The following ITFG1 variants were observed in gnomAD, a reference collection of about 807,000 sequenced individuals.
ITFG1 encodes the protein integrin alpha FG-GAP repeat containing 1, also known as T-cell immunomodulatory protein.
A neutral mutation model predicts 81.8 loss-of-function variants in ITFG1; 34 were observed. That is an observed-to-expected ratio of 0.42 (90% CI 0.32 to 0.55). The LOEUF is 0.55. ITFG1 is among the 20% of genes least tolerant of loss of function. The pLI is 0.17. For missense variants in ITFG1, 672 were observed against 755.4 expected (o/e 0.89, Z 1.29); for synonymous variants, 285 against 270.6 (o/e 1.05, Z -0.52).
At chr16:47,236,367 C>T (rs1005620019) in intron 13 of ITFG1, among the ~76,000 whole-genome samples, 6 of 149,738 alleles carry the variant, frequency 4.0e-5, no homozygotes, top group African/African-American at 9.9e-5. Flanking sequence ...CCCAGCTACT[C>T]GGGAGGCTGA....
intron 14 of ITFG1, among the ~76,000 whole-genome samples, chr16:47,216,686 C>T (rs945303035): frequency 2.6e-5 from 4 of 151,284 alleles, no homozygotes; most frequent in African/African-American, 9.7e-5. Flanking sequence ...TTTTTTGAGA[C>T]AGTCTTACTC....
chr16:47,459,836 C>A (rs766876754), intron 1 of ITFG1, among the ~76,000 whole-genome samples: 2 of 152,158 alleles, frequency 1.3e-5, no homozygotes, highest in Non-Finnish European at 2.9e-5. Context: ...CAGTACACTG[C>A]AAAATGAGGA....
chr16:47,192,837 G>A (rs1379821656), intron 14 of ITFG1, among the ~76,000 whole-genome samples: 2 of 152,150 alleles, frequency 1.3e-5, no homozygotes, highest in East Asian at 1.9e-4. Context: ...CTCAGCTTTT[G>A]ACCCTGAGAA....
chr16:47,164,955 T>G (rs1964870637), intron 14 of ITFG1, among the ~76,000 whole-genome samples: 1 of 152,238 alleles, frequency 6.6e-6, no homozygotes, highest in Non-Finnish European at 1.5e-5. Context: ...GGATCAGTAG[T>G]TTTCCTTAGA....
chr16:47,333,223 A>C (rs950831683), intron 8 of ITFG1, among the ~76,000 whole-genome samples: 1 of 152,202 alleles, frequency 6.6e-6, no homozygotes, highest in East Asian at 1.9e-4. Flanking sequence ...ACTATGAATA[A>C]CAGAGTATTA....
At chr16:47,337,174 GA>G (rs1470460911) in intron 8 of ITFG1, among the ~76,000 whole-genome samples, 1 of 149,726 alleles carries the variant, frequency 6.7e-6, no homozygotes, top group Non-Finnish European at 1.5e-5. Context: ...AAAAAAGAAA[GA>G]AATTAGGACA....
At chr16:47,362,679 T>A (rs897785940) in intron 8 of ITFG1, among the ~76,000 whole-genome samples, 2 of 152,228 alleles carry the variant, frequency 1.3e-5, no homozygotes, top group Non-Finnish European at 2.9e-5. Flanking sequence ...ACCACTTCCA[T>A]GAGGCTTTTG....
chr16:47,213,539 T>C (rs1224164103), intron 14 of ITFG1, among the ~76,000 whole-genome samples: 1 of 152,214 alleles, frequency 6.6e-6, no homozygotes, highest in African/African-American at 2.4e-5. Flanking sequence ...TCTATTCGCC[T>C]TTCAGTTCAA....
intron 6 of ITFG1, among the ~76,000 whole-genome samples, chr16:47,420,915 TTTTC>T (rs1291658418): frequency 6.6e-6 from 1 of 152,200 alleles, no homozygotes; most frequent in Non-Finnish European, 1.5e-5. Context: ...TATAATAATA[TTTTC>T]TTTATGTATC....
At chr16:47,230,425 G>A (rs898340847) in intron 13 of ITFG1, among the ~76,000 whole-genome samples, 1 of 152,094 alleles carries the variant, frequency 6.6e-6, no homozygotes, top group African/African-American at 2.4e-5. Context: ...CCAAATGCAG[G>A]CAACTCGAGT....
At chr16:47,326,425 G>A (rs1399185420) in intron 8 of ITFG1, among the ~76,000 whole-genome samples, 1 of 152,184 alleles carries the variant, frequency 6.6e-6, no homozygotes, top group African/African-American at 2.4e-5. Flanking sequence ...AGACAGGGAT[G>A]CCCTCTCTCA....
rs2151618626 is a variant in ITFG1 at position 47,451,559 on chromosome 16, G to A, written c.486-89C>T. Reference sequence around the variant, plus strand: ...AAAGAAGCAGTAACTTTTGGGAAGTGTGGTAGACATTACAATGCTCGCCAG... The same window carrying A: ...AAAGAAGCAGTAACTTTTGGGAAGTATGGTAGACATTACAATGCTCGCCAG... On this transcript the variant is annotated intron_variant, in intron 4 of 17. Coordinates refer to ENST00000320640, the MANE Select transcript of ITFG1 (RefSeq NM_030790.5). 3 of 698,536 alleles carry A rather than the reference G, an allele frequency of 4.3e-6. No individual in the cohort carries two copies. The South Asian group carries it at 5.2e-5, about 12-fold the overall frequency. The allele number at this position is 698,536 out of a possible 1,614,324, so 43.3% of individuals were successfully genotyped here.
chr16:47,341,453 T>C (rs1046808881), intron 8 of ITFG1, among the ~76,000 whole-genome samples: 1 of 62,716 alleles, frequency 1.6e-5, no homozygotes, highest in Admixed American at 1.4e-4. Context: ...CAAATGAAAA[T>C]AAAAATATAA....
chr16:47,432,687 T>C (rs1173648163), intron 5 of ITFG1, among the ~76,000 whole-genome samples: 1 of 152,228 alleles, frequency 6.6e-6, no homozygotes, highest in Non-Finnish European at 1.5e-5. Flanking sequence ...ATTTAGCATA[T>C]GTTGTAAGGT....
At chr16:47,360,234 A>C (rs1968092204) in intron 8 of ITFG1, among the ~76,000 whole-genome samples, 1 of 152,186 alleles carries the variant, frequency 6.6e-6, no homozygotes, top group Non-Finnish European at 1.5e-5. Context: ...TGCAGCACTT[A>C]CATCTAATTT....
intron 12 of ITFG1, among the ~76,000 whole-genome samples, chr16:47,247,829 G>GTAA (rs1966020756): frequency 6.6e-6 from 1 of 151,978 alleles, no homozygotes; most frequent in Non-Finnish European, 1.5e-5. Flanking sequence ...AAGTAGCCTG[G>GTAA]GTTTAAAGGG....
chr16:47,276,340 T>C (rs1236720041), intron 10 of ITFG1, among the ~76,000 whole-genome samples: 1 of 152,132 alleles, frequency 6.6e-6, no homozygotes, highest in Admixed American at 6.6e-5. Flanking sequence ...AAAAGCTGTG[T>C]CGGAGTTTTA....
At chr16:47,235,890 G>A (rs1965867818) in intron 13 of ITFG1, among the ~76,000 whole-genome samples, 1 of 152,190 alleles carries the variant, frequency 6.6e-6, no homozygotes, top group Admixed American at 6.5e-5. Flanking sequence ...TTTACATGCT[G>A]ATAAAATTGT....
At chr16:47,252,555 T>C (rs535485446) in intron 12 of ITFG1, among the ~76,000 whole-genome samples, 11 of 152,336 alleles carry the variant, frequency 7.2e-5, no homozygotes, top group African/African-American at 2.2e-4. Flanking sequence ...CAATAAAAGA[T>C]GAGAGCTAGT....
Sources: allele counts gnomAD v4.1 joint callset (sites outside exome capture counted in the v4.1 genomes callset), GRCh38; gene constraint gnomAD v4.1.1; transcripts MANE v1.5; gene names NCBI Gene and HGNC (gene_info 2026-07-23, HGNC 2026-07-21).